The following DRC8 variants were observed in gnomAD, a reference collection of about 807,000 sequenced individuals.
DRC8 encodes dynein regulatory complex protein 8.
chr1:245,121,173 TG>T, the DRC8 span, among the ~76,000 whole-genome samples: 1 of 152,234 alleles, frequency 6.6e-6, no homozygotes, highest in East Asian at 1.9e-4. Context: ...TTTATAAACC[TG>T]TAACAAAGAA....
chr1:244,984,447 T>C, the DRC8 span, among the ~76,000 whole-genome samples: 2 of 152,302 alleles, frequency 1.3e-5, no homozygotes, highest in Middle Eastern at 3.4e-3. Flanking sequence ...TGTAAATATT[T>C]GTTGCAAGAA....
the DRC8 span, chr1:245,015,847 T>C: frequency 1.8e-5 from 3 of 162,660 alleles, no homozygotes; most frequent in South Asian, 3.1e-4. Flanking sequence ...GCTTCCACCC[T>C]TTTCATAATA....
chr1:244,971,340 C>T, the DRC8 span, among the ~76,000 whole-genome samples: 1 of 152,270 alleles, frequency 6.6e-6, no homozygotes, highest in Non-Finnish European at 1.5e-5. Context: ...CGGTGGCCGC[C>T]TGCAGAGGCG....
At chr1:245,087,347 T>C in the DRC8 span, 4 of 1,584,256 alleles carry the variant, frequency 2.5e-6, no homozygotes, top group Non-Finnish European at 2.6e-6. Context: ...ATGATGGTGA[T>C]AGATGAAAAT....
At chr1:244,998,312 A>C in the DRC8 span, among the ~76,000 whole-genome samples, 2 of 152,032 alleles carry the variant, frequency 1.3e-5, no homozygotes, top group African/African-American at 4.8e-5. Flanking sequence ...GGGCTCAAGC[A>C]ATCATCCCAC....
the DRC8 span, among the ~76,000 whole-genome samples, chr1:245,032,315 T>C: frequency 0.36 from 55,313 of 152,024 alleles, 10,394 homozygotes; most frequent in African/African-American, 0.47. Context: ...ATGAAACCAG[T>C]CCAGGAGCCA....
chr1:245,065,337 G>T, the DRC8 span, among the ~76,000 whole-genome samples: 3 of 152,062 alleles, frequency 2.0e-5, no homozygotes, highest in Middle Eastern at 3.4e-3. Flanking sequence ...ATAGGTATGA[G>T]CCACCGCGCC....
At chr1:245,075,333 TAGACCAA>T in the DRC8 span, among the ~76,000 whole-genome samples, 1 of 152,222 alleles carries the variant, frequency 6.6e-6, no homozygotes, top group African/African-American at 2.4e-5. Flanking sequence ...AAAATTGATT[TAGACCAA>T]AGTAGAGTGA....
At chr1:245,050,022 T>A in the DRC8 span, among the ~76,000 whole-genome samples, 2 of 152,240 alleles carry the variant, frequency 1.3e-5, no homozygotes, top group African/African-American at 4.8e-5. Context: ...TAAGTCACTG[T>A]AGAACTGGAT....
chr1:245,101,900 A>G, the DRC8 span, among the ~76,000 whole-genome samples: 1 of 152,198 alleles, frequency 6.6e-6, no homozygotes, highest in Non-Finnish European at 1.5e-5. Context: ...CTTCCTGGAT[A>G]TATGGCATAA....
chr1:245,002,617 C>T, the DRC8 span, among the ~76,000 whole-genome samples: 3 of 149,330 alleles, frequency 2.0e-5, no homozygotes, highest in Admixed American at 1.3e-4. Context: ...TTCCCAGGCT[C>T]AAGCCATCCT....
the DRC8 span, among the ~76,000 whole-genome samples, chr1:245,077,679 G>A: frequency 2.6e-5 from 4 of 152,128 alleles, no homozygotes; most frequent in African/African-American, 9.7e-5. Flanking sequence ...ACATGGAGAA[G>A]AATGAAATTG....
chr1:245,039,854 C>G, the DRC8 span, among the ~76,000 whole-genome samples: 1 of 152,150 alleles, frequency 6.6e-6, no homozygotes, highest in Non-Finnish European at 1.5e-5. Flanking sequence ...AGTTTGTGCC[C>G]TTCTCAGAGC....
At chr1:244,970,079 G>A in the DRC8 span, 1 of 656,164 alleles carries the variant, frequency 1.5e-6, no homozygotes, top group South Asian at 1.7e-5. Flanking sequence ...AAATGGATGA[G>A]AAATAAGGGA....
chr1:245,012,234 TG>T, the DRC8 span, among the ~76,000 whole-genome samples: 3 of 152,058 alleles, frequency 2.0e-5, no homozygotes, highest in African/African-American at 7.2e-5. Context: ...TCTTTAGAGA[TG>T]GAAGGATAAA....
chr1:244,976,354 T>A, the DRC8 span, among the ~76,000 whole-genome samples: 1 of 152,220 alleles, frequency 6.6e-6, no homozygotes, highest in Non-Finnish European at 1.5e-5. Flanking sequence ...TTCCTGCATA[T>A]TTCTGGGGTA....
the DRC8 span, among the ~76,000 whole-genome samples, chr1:244,985,227 A>C: frequency 6.6e-6 from 1 of 152,164 alleles, no homozygotes; most frequent in African/African-American, 2.4e-5. Flanking sequence ...TCCTTATCCC[A>C]GACTTCATTT....
chr1:245,087,535 G>C, the DRC8 span: 5 of 1,280,854 alleles, frequency 3.9e-6, no homozygotes, highest in Non-Finnish European at 4.9e-6. Context: ...AATTTAGTAT[G>C]TCTAGCCTTA....
At chr1:245,080,012 C>T in the DRC8 span, among the ~76,000 whole-genome samples, 2 of 151,970 alleles carry the variant, frequency 1.3e-5, no homozygotes, top group South Asian at 2.1e-4. Flanking sequence ...TCATTGAATG[C>T]GCTGAATTTT....
Sources: allele counts gnomAD v4.1 joint callset (sites outside exome capture counted in the v4.1 genomes callset), GRCh38; gene constraint gnomAD v4.1.1; transcripts MANE v1.5; gene names NCBI Gene and HGNC (gene_info 2026-07-23, HGNC 2026-07-21).